The following STK3 variants were observed in gnomAD, a reference collection of about 807,000 sequenced individuals.
STK3 encodes serine/threonine-protein kinase 3.
STK3 carries 41 observed loss-of-function variants against 58.0 expected under a neutral mutation model. That is an observed-to-expected ratio of 0.71 (90% CI 0.55 to 0.92). The LOEUF (loss-of-function observed/expected upper bound fraction) is 0.92, where lower values mean the gene tolerates loss of function less well. Ranked by LOEUF, STK3 falls within the 40% of genes least tolerant of loss-of-function variation. The probability of loss-of-function intolerance (pLI) is 0.00; values close to 1 mark genes in which losing one functional copy is unlikely to be tolerated. For synonymous variants in STK3, 170 were observed against 191.0 expected, an observed-to-expected ratio of 0.89 and a Z score of 0.91; for missense variants, 479 against 602.7, an observed-to-expected ratio of 0.79 and a Z score of 2.15.
At chr8:98,678,026 G>GA (rs1179524130) in intron 6 of STK3, among the ~76,000 whole-genome samples, 4 of 151,982 alleles carry the variant, frequency 2.6e-5, no homozygotes, top group African/African-American at 7.2e-5. Flanking sequence ...CATTTTAAAT[G>GA]AAAAAAACAT....
intron 8 of STK3, among the ~76,000 whole-genome samples, chr8:98,557,214 A>G (rs556601046): frequency 2.7e-4 from 41 of 152,166 alleles, no homozygotes; most frequent in Non-Finnish European, 5.4e-4. Flanking sequence ...TGATGCTAAC[A>G]TGTTAACCTA....
intron 7 of STK3, among the ~76,000 whole-genome samples, chr8:98,583,845 ATGTG>A (rs529496460): frequency 0.033 from 4,786 of 144,702 alleles, 101 homozygotes; most frequent in South Asian, 0.063. Context: ...GAGAGAGTGT[ATGTG>A]TGTGTGTGTG....
intron 3 of STK3, among the ~76,000 whole-genome samples, chr8:98,405,256 G>A (rs908626332): frequency 1.3e-5 from 2 of 152,114 alleles, no homozygotes; most frequent in Non-Finnish European, 2.9e-5. Context: ...AAAATTTTCT[G>A]AGAATCCACT....
intron 2 of STK3, among the ~76,000 whole-genome samples, chr8:98,774,003 T>C (rs1190081184): frequency 6.6e-6 from 1 of 152,008 alleles, no homozygotes; most frequent in African/African-American, 2.4e-5. Context: ...TCCATGTTGG[T>C]CAAGCTGGTC....
intron 1 of STK3, among the ~76,000 whole-genome samples, chr8:98,891,168 GC>G (rs1043714379): frequency 1.3e-5 from 2 of 152,228 alleles, no homozygotes; most frequent in Non-Finnish European, 2.9e-5. Flanking sequence ...CACGTGCTGC[GC>G]CTTTTGCAGC....
intron 3 of STK3, among the ~76,000 whole-genome samples, chr8:98,840,628 T>TAG (rs1477381215): frequency 8.7e-6 from 1 of 114,478 alleles, no homozygotes; most frequent in East Asian, 2.5e-4. Flanking sequence ...TATATATATA[T>TAG]ACACACACAT....
chr8:98,785,248 T>A (rs1222968738), intron 1 of STK3, among the ~76,000 whole-genome samples: 1 of 152,176 alleles, frequency 6.6e-6, no homozygotes, highest in Non-Finnish European at 1.5e-5. Flanking sequence ...GCAGCCTACA[T>A]CACCCCAACC....
At chr8:98,778,330 A>C (rs1212537596) in intron 1 of STK3, among the ~76,000 whole-genome samples, 13 of 152,184 alleles carry the variant, frequency 8.5e-5, no homozygotes, top group Admixed American at 8.5e-4. Context: ...CCACAATGAG[A>C]TACCATCTCA....
intron 3 of STK3, among the ~76,000 whole-genome samples, chr8:98,763,844 T>A (rs1344716411): frequency 2.0e-5 from 3 of 152,152 alleles, no homozygotes; most frequent in Non-Finnish European, 4.4e-5. Flanking sequence ...AGCTAATTTT[T>A]ATATCTATTT....
chr8:98,370,462 C>T (rs1259467475), downstream of STK3, among the ~76,000 whole-genome samples: 1 of 151,412 alleles, frequency 6.6e-6, no homozygotes, highest in East Asian at 1.9e-4. Context: ...GCATCTTAAT[C>T]AGAACAGACT....
In STK3 at chr8:98,436,203, T is replaced by G. The variant is rs1818483043; in HGVS notation, n.291+900A>C. ...TCTGCTTTTCCCTCCCATCACCCCA[T>G]GGTTCTTCCTTCTCCTCTGACCCCT... On this transcript the variant is annotated intron_variant and non_coding_transcript_variant, in intron 2 of 3. Transcript: ENST00000517832. Among the ~76,000 whole-genome samples, 2 of 152,088 alleles carry G rather than the reference T, an allele frequency of 1.3e-5. 1 individual carries two copies. Among genetic ancestry groups the G allele is most frequent in the South Asian group, 4.1e-4 (2 of 4,826 alleles).
chr8:98,581,526 G>A (rs1473183825), intron 7 of STK3, among the ~76,000 whole-genome samples: 1 of 151,682 alleles, frequency 6.6e-6, no homozygotes, highest in East Asian at 2.0e-4. Flanking sequence ...AGAAGTCTAG[G>A]TTCTCCATTT....
At chr8:98,924,544 T>C (rs2132019880) in intron 1 of STK3, among the ~76,000 whole-genome samples, 1 of 152,306 alleles carries the variant, frequency 6.6e-6, no homozygotes, top group South Asian at 2.1e-4. Context: ...AACCAATGGA[T>C]TTCTTCCCAG....
chr8:98,387,575 C>T (rs542022324), intron 1 of STK3, among the ~76,000 whole-genome samples: 1 of 152,250 alleles, frequency 6.6e-6, no homozygotes, highest in African/African-American at 2.4e-5. Flanking sequence ...ATGGAGAAAC[C>T]CCGTCTCTAC....
intron 6 of STK3, among the ~76,000 whole-genome samples, chr8:98,639,110 CTTTTT>C (rs200636934): frequency 7.2e-5 from 10 of 138,492 alleles, no homozygotes; most frequent in Non-Finnish European, 7.9e-5. Context: ...AGGAGATACA[CTTTTT>C]TTTTTTTTTT....
At chr8:98,677,897 ATT>A (rs1483224103) in intron 6 of STK3, among the ~76,000 whole-genome samples, 1 of 152,222 alleles carries the variant, frequency 6.6e-6, no homozygotes, top group Non-Finnish European at 1.5e-5. Context: ...TTGGAGAACA[ATT>A]CTGCCTACCC....
intron 1 of STK3, among the ~76,000 whole-genome samples, chr8:98,798,040 C>T (rs1171773429): frequency 6.6e-6 from 1 of 152,068 alleles, no homozygotes; most frequent in Non-Finnish European, 1.5e-5. Context: ...ACAATTGTGC[C>T]TTAGAAATCA....
chr8:98,597,688 C>G, intron 6 of STK3: 1 of 985,350 alleles, frequency 1.0e-6, no homozygotes, highest in Non-Finnish European at 1.2e-6. Flanking sequence ...TTTGCGTGAG[C>G]TCTATCTAGC....
chr8:98,836,735 A>C (rs1835762614), intron 3 of STK3, among the ~76,000 whole-genome samples: 1 of 152,204 alleles, frequency 6.6e-6, no homozygotes, highest in Admixed American at 6.5e-5. Flanking sequence ...CAGAAAAATG[A>C]TTTAGATAAG....
Sources: allele counts gnomAD v4.1 joint callset (sites outside exome capture counted in the v4.1 genomes callset), GRCh38; gene constraint gnomAD v4.1.1; transcripts MANE v1.5; gene names NCBI Gene and HGNC (gene_info 2026-07-23, HGNC 2026-07-21).